VAC14: variants seen among roughly 807,000 people sequenced by gnomAD.
VAC14 encodes VAC14 component of PIKFYVE complex.
VAC14 carries 47 observed loss-of-function variants against 85.3 expected under a neutral mutation model. The ratio of observed to expected loss-of-function variants is 0.55; its 90% CI spans 0.44 to 0.70. The LOEUF (loss-of-function observed/expected upper bound fraction) is 0.70. Ranked by LOEUF, VAC14 falls within the 30% of genes least tolerant of loss-of-function variation. The probability of loss-of-function intolerance (pLI) is 0.00; values close to 1 mark genes in which losing one functional copy is unlikely to be tolerated. For missense variants in VAC14, 861 were observed against 1,004.3 expected, an observed-to-expected ratio of 0.86 and a Z score of 1.93; for synonymous variants, 447 against 430.5, an observed-to-expected ratio of 1.04 and a Z score of -0.47.
At chr16:70,704,834 G>A (rs987528929) in intron 14 of VAC14, among the ~76,000 whole-genome samples, 1 of 152,210 alleles carries the variant, frequency 6.6e-6, no homozygotes, top group Non-Finnish European at 1.5e-5. Flanking sequence ...GACGGAGCTT[G>A]GGTCTCCTTG....
chr16:70,773,628 T>C (rs1313150989), intron 9 of VAC14, among the ~76,000 whole-genome samples: 6 of 152,184 alleles, frequency 3.9e-5, no homozygotes, highest in African/African-American at 1.4e-4. Flanking sequence ...TCCAGACTCC[T>C]GATACTAATT....
At chr16:70,744,669 C>A (rs2030698801) in intron 12 of VAC14, 90 bp from the exon 13 acceptor site, 1 of 1,463,608 alleles carries the variant, frequency 6.8e-7, no homozygotes, top group East Asian at 2.4e-5. Flanking sequence ...ACACAGCCAC[C>A]TGCAGGGGTG....
chr16:70,765,400 G>A (rs1232832286), intron 10 of VAC14, among the ~76,000 whole-genome samples: 1 of 152,174 alleles, frequency 6.6e-6, no homozygotes, highest in East Asian at 1.9e-4. Context: ...AGCCCCTGGG[G>A]GGAATAACAG....
chr16:70,701,000 TGAG>T (rs1235360511), intron 14 of VAC14, among the ~76,000 whole-genome samples: 1 of 152,054 alleles, frequency 6.6e-6, no homozygotes, highest in South Asian at 2.1e-4. Flanking sequence ...GGGCTGGTGG[TGAG>T]GAGAAGCGGG....
At chr16:70,767,202 A>G (rs1180283387) in intron 10 of VAC14, among the ~76,000 whole-genome samples, 1 of 152,236 alleles carries the variant, frequency 6.6e-6, no homozygotes, top group Non-Finnish European at 1.5e-5. Context: ...CTATTAAAAT[A>G]TAGATTTACT....
In VAC14 at chr16:70,785,685, A is replaced by C; in HGVS notation, c.423+17T>G. On this transcript the variant is annotated intron_variant, in intron 3 of 18. Coordinates refer to ENST00000261776, the MANE Select transcript of VAC14 (RefSeq NM_018052.5). ...AACCAAGCGCAGCTCAGTGAGGAGG[A>C]GGAGGAGGGCGGTTACCTTGCTCAG... is the stretch of plus-strand genomic sequence containing the variant. 2 of 1,545,248 alleles carry C rather than the reference A, an allele frequency of 1.3e-6. No individual in the cohort carries two copies. The highest frequency in any genetic ancestry group is 1.7e-6 in the Non-Finnish European group (2 of 1,142,868).
chr16:70,759,146 C>A (rs2032112110), intron 12 of VAC14, among the ~76,000 whole-genome samples: 1 of 152,256 alleles, frequency 6.6e-6, no homozygotes, highest in South Asian at 2.1e-4. Context: ...CCTGAGCACA[C>A]TGTCCCCTGC....
At chr16:70,772,035 G>C (rs766414609) in intron 10 of VAC14, 74 bp downstream of exon 10, 15 of 1,425,556 alleles carry the variant, frequency 1.1e-5, no homozygotes, top group Non-Finnish European at 1.5e-5. Flanking sequence ...GGTCATTGCT[G>C]TAGTCTCCCG....
intron 14 of VAC14, chr16:70,714,118 G>A (rs758651332): frequency 2.0e-5 from 3 of 152,208 alleles, no homozygotes; most frequent in Non-Finnish European, 4.4e-5. Flanking sequence ...CCATCCTGGG[G>A]GCCTGCGACC....
At chr16:70,731,864 G>A (rs984493816) in intron 13 of VAC14, among the ~76,000 whole-genome samples, 4 of 151,306 alleles carry the variant, frequency 2.6e-5, no homozygotes, top group Non-Finnish European at 4.4e-5. Flanking sequence ...AGTCCTACTC[G>A]TAACTTGAAA....
chr16:70,691,622 G>A (rs752393235), intron 18 of VAC14: 12 of 985,492 alleles, frequency 1.2e-5, no homozygotes, highest in African/African-American at 1.7e-5. Context: ...GGTGGCAACC[G>A]GCTCAAGGCC....
chr16:70,692,161 C>T (rs1234797713), intron 18 of VAC14: 9 of 927,968 alleles, frequency 9.7e-6, no homozygotes, highest in East Asian at 2.4e-4. Flanking sequence ...AGGGGCCAGC[C>T]GTGGGTTCAG....
chr16:70,737,714 A>C (rs2054805217), intron 13 of VAC14, among the ~76,000 whole-genome samples: 1 of 152,222 alleles, frequency 6.6e-6, no homozygotes, highest in Non-Finnish European at 1.5e-5. Flanking sequence ...TGACATGAGA[A>C]TCCACAGAAC....
intron 1 of VAC14, among the ~76,000 whole-genome samples, chr16:70,797,157 T>C (rs563577402): frequency 6.6e-6 from 1 of 152,322 alleles, no homozygotes; most frequent in South Asian, 2.1e-4. Flanking sequence ...GCAGGCTATG[T>C]TATTTTGTGA....
At chr16:70,779,856 A>G (rs1313146011) in intron 9 of VAC14, among the ~76,000 whole-genome samples, 1 of 150,954 alleles carries the variant, frequency 6.6e-6, no homozygotes, top group Non-Finnish European at 1.5e-5. Flanking sequence ...TTTTTTTGAG[A>G]TAGGGTCTTT....
At chr16:70,704,094 G>A (rs959594640) in intron 14 of VAC14, among the ~76,000 whole-genome samples, 6 of 152,230 alleles carry the variant, frequency 3.9e-5, no homozygotes, top group African/African-American at 1.4e-4. Flanking sequence ...GACAGCCGCA[G>A]GCCTCTGTGG....
intron 14 of VAC14, among the ~76,000 whole-genome samples, chr16:70,702,754 C>G (rs929609380): frequency 6.6e-6 from 1 of 152,184 alleles, no homozygotes; most frequent in African/African-American, 2.4e-5. Context: ...GCCCTTGAGT[C>G]AGGAAGCTGG....
At chr16:70,791,196 C>T (rs2034322075) in intron 1 of VAC14, among the ~76,000 whole-genome samples, 1 of 152,200 alleles carries the variant, frequency 6.6e-6, no homozygotes, top group Admixed American at 6.5e-5. Flanking sequence ...TAGAAAAGCT[C>T]CTGGTCCCTT....
intron 12 of VAC14, among the ~76,000 whole-genome samples, chr16:70,749,861 A>G (rs1286649330): frequency 6.6e-6 from 1 of 152,072 alleles, no homozygotes; most frequent in African/African-American, 2.4e-5. Flanking sequence ...CTTGGCCAGG[A>G]CTCTGCCTCT....
Sources: allele counts gnomAD v4.1 joint callset (sites outside exome capture counted in the v4.1 genomes callset), GRCh38; gene constraint gnomAD v4.1.1; transcripts MANE v1.5; gene names NCBI Gene and HGNC (gene_info 2026-07-23, HGNC 2026-07-21).